The following GATA4 variants were observed in gnomAD, a reference collection of about 807,000 sequenced individuals.
GATA4 encodes transcription factor GATA-4.
In GATA4, 7 loss-of-function variants were observed where a neutral mutation model predicts 37.9. The observed-to-expected ratio is 0.18, with a 90% CI of 0.11 to 0.35. The LOEUF (loss-of-function observed/expected upper bound fraction) is 0.35, where lower values mean the gene tolerates loss of function less well. Among genes scored for constraint, GATA4 ranks in the 10% least tolerant of loss-of-function variants. The probability of loss-of-function intolerance (pLI) is 1.00; values close to 1 mark genes in which losing one functional copy is unlikely to be tolerated. For synonymous variants in GATA4, 372 were observed against 292.6 expected (o/e 1.27, Z -2.77); for missense variants, 647 against 653.0 (o/e 0.99, Z 0.10).
At chr8:11,756,593 C>G in intron 5 of GATA4, 1 of 389,904 alleles carries the variant, frequency 2.6e-6, no homozygotes, top group Non-Finnish European at 4.9e-6. Flanking sequence ...TATTGTATTT[C>G]ATTATAGAGT....
At chr8:11,711,041 G>A (rs1487864691) in intron 2 of GATA4, among the ~76,000 whole-genome samples, 1 of 152,070 alleles carries the variant, frequency 6.6e-6, no homozygotes, top group Non-Finnish European at 1.5e-5. Context: ...AACCCGGGAG[G>A]CGGAGGTTGA....
chr8:11,691,819 A>G (rs1563189334), upstream of GATA4, among the ~76,000 whole-genome samples: 1 of 152,122 alleles, frequency 6.6e-6, no homozygotes, highest in Non-Finnish European at 1.5e-5. Flanking sequence ...GGCGCCCCAA[A>G]CAAAAGACTA....
At chr8:11,722,277 C>A (rs1800712300) in intron 2 of GATA4, among the ~76,000 whole-genome samples, 1 of 152,224 alleles carries the variant, frequency 6.6e-6, no homozygotes, top group Non-Finnish European at 1.5e-5. Context: ...CTTTCCCCCA[C>A]ACAGTGTTAT....
At position 11,750,102 on chromosome 8, in the gene GATA4, G is replaced by C. The variant is rs1802226909; in HGVS notation, c.787-9G>C. ...CTTGGACATGAAGCATTTGTTTCCT[G>C]TCTTGCAGTCCGCCTCCCGCCGAGT... On this transcript the variant is annotated splice_polypyrimidine_tract_variant and intron_variant, in intron 3 of 6. Coordinates refer to ENST00000532059, the MANE Select transcript of GATA4 (RefSeq NM_001308093.3). 2 of 1,614,080 alleles carry C rather than the reference G, an allele frequency of 1.2e-6. No homozygotes were observed. Among genetic ancestry groups the C allele is most frequent in the East Asian group, 4.5e-5 (2 of 44,892 alleles).
chr8:11,705,977 C>A (rs1018515474), intron 1 of GATA4: 6 of 152,180 alleles, frequency 3.9e-5, no homozygotes, highest in Non-Finnish European at 8.8e-5. Context: ...CCAGAAAATG[C>A]AATGAAATAG....
chr8:11,730,519 G>T (rs555775901), intron 2 of GATA4, among the ~76,000 whole-genome samples: 1 of 152,360 alleles, frequency 6.6e-6, no homozygotes, highest in East Asian at 1.9e-4. Context: ...CTGGTCAGGA[G>T]CTGGGAGCTT....
At chr8:11,698,922 CCA>C (rs1182477585) in intron 1 of GATA4, among the ~76,000 whole-genome samples, 1 of 152,218 alleles carries the variant, frequency 6.6e-6, no homozygotes, top group Non-Finnish European at 1.5e-5. Context: ...GCCCCTCCCT[CCA>C]CTTCTGGCCA....
rs968091404 is a variant in GATA4 at position 11,683,642 on chromosome 8, A to G, written c.-274+6579A>G. ...ATGCCTTGTACTGACAGGTTAAATTATTTGCCCAAGATGAGGACTAAAGCC... is the reference window on the plus strand; with the variant it reads ...ATGCCTTGTACTGACAGGTTAAATTGTTTGCCCAAGATGAGGACTAAAGCC... On this transcript the variant is annotated intron_variant, in intron 1 of 6. Transcript: ENST00000528712. Among the ~76,000 whole-genome samples the G allele has an allele frequency of 2.0e-5, 3 of 152,170 alleles. No individual in the cohort carries two copies. In the East Asian group the frequency reaches 5.8e-4, roughly 29 times the overall value.
At chr8:11,681,287 G>T (rs1433892499) in intron 1 of GATA4, 1 of 985,312 alleles carries the variant, frequency 1.0e-6, no homozygotes, top group African/African-American at 1.7e-5. Context: ...CGCACGCTGA[G>T]GTTCCGGGGA....
At chr8:11,741,934 CGCTGGTG>C (rs1448713347) in intron 2 of GATA4, among the ~76,000 whole-genome samples, 2 of 152,198 alleles carry the variant, frequency 1.3e-5, no homozygotes, top group Admixed American at 1.3e-4. Flanking sequence ...CTGTGGGCAG[CGCTGGTG>C]GGACGCTGGC....
chr8:11,692,763 G>A, intron 1 of GATA4: 1 of 983,336 alleles, frequency 1.0e-6, no homozygotes. Flanking sequence ...GACGGACGGG[G>A]GGCGGGAAGC....
rs530224392 is a variant in GATA4 at position 11,708,130 on chromosome 8, C to T, written c.-183C>T. The T allele has an allele frequency of 8.1e-6, 6 of 742,300 alleles. No homozygotes were observed. The highest frequency in any genetic ancestry group is 1.4e-5 in the Non-Finnish European group (6 of 426,668). 46.0% of individuals were successfully genotyped at this position (742,300 alleles called of 1,614,324 possible). ...GTAAACAAGAGCCTAGAGCCCTTTG[C>T]TCAATGCTGGATTTAATACGTATAT... is the stretch of plus-strand genomic sequence containing the variant. On this transcript the variant is annotated 5_prime_UTR_variant, in exon 2 of 7. Coordinates refer to ENST00000532059, the MANE Select transcript of GATA4 (RefSeq NM_001308093.3). This position sits in a 1 kb window ranked among gnomAD's most constrained non-coding sequence, Gnocchi z 6.7.
In GATA4 at chr8:11,724,094, A is replaced by G. The variant is rs79596398; in HGVS notation, c.616+15166A>G. Among the ~76,000 whole-genome samples, 423 of 152,180 alleles carry G rather than the reference A, an allele frequency of 2.8e-3. 2 individuals are homozygous for G. The highest frequency in any genetic ancestry group is 9.7e-3 in the African/African-American group (404 of 41,512). On this transcript the variant is annotated intron_variant, in intron 2 of 6. Transcript: ENST00000532059. ...GTGACGGGCTCGTTTCCTTTGGCAT[A>G]GTGTCTTCAAGGTTTCTCCATTTTG...
chr8:11,708,152 A>G lies in GATA4; in HGVS notation c.-161A>G. ...TTGCTCAATGCTGGATTTAATACGTATATATTTTTAAGCGAGTTGGTTTTT... is the reference window on the plus strand; with the variant it reads ...TTGCTCAATGCTGGATTTAATACGTGTATATTTTTAAGCGAGTTGGTTTTT... On this transcript the variant is annotated 5_prime_UTR_variant, in exon 2 of 7. Transcript: ENST00000532059. This position sits in a 1 kb window ranked among gnomAD's most constrained non-coding sequence, Gnocchi z 6.7. 1 of 780,552 alleles carries G rather than the reference A, an allele frequency of 1.3e-6. No individual in the cohort carries two copies. Among genetic ancestry groups the G allele is most frequent in the Non-Finnish European group, 2.2e-6 (1 of 459,920 alleles). 48.4% of individuals were successfully genotyped at this position (780,552 alleles called of 1,614,324 possible). A position where few individuals can be genotyped will look rare whatever the true frequency, so the allele number is the denominator to read the frequency against.
At chr8:11,741,358 A>G (rs994468422) in intron 2 of GATA4, among the ~76,000 whole-genome samples, 4 of 152,108 alleles carry the variant, frequency 2.6e-5, no homozygotes, top group African/African-American at 9.7e-5. Flanking sequence ...GTGCAACTGT[A>G]GTCCCAGCTA....
At chr8:11,717,458 A>G (rs1179911625) in intron 2 of GATA4, among the ~76,000 whole-genome samples, 1 of 152,124 alleles carries the variant, frequency 6.6e-6, no homozygotes, top group African/African-American at 2.4e-5. Flanking sequence ...GTTTTGCTGG[A>G]AAGAAAGCTG....
At chr8:11,724,992 A>C (rs1321650493) in intron 2 of GATA4, among the ~76,000 whole-genome samples, 1 of 152,232 alleles carries the variant, frequency 6.6e-6, no homozygotes, top group Non-Finnish European at 1.5e-5. Context: ...CGCAGTGTAC[A>C]CGGGCTGGGG....
intron 1 of GATA4, among the ~76,000 whole-genome samples, chr8:11,696,860 T>C (rs1018762900): frequency 6.6e-6 from 1 of 152,238 alleles, no homozygotes. Flanking sequence ...TCATTTACTC[T>C]ACCTGTTCTG....
chr8:11,757,213 G>T, intron 6 of GATA4, 130 bp downstream of exon 6: 5 of 1,365,604 alleles, frequency 3.7e-6, no homozygotes, highest in Non-Finnish European at 5.0e-6. Flanking sequence ...TACCCTCTGC[G>T]CTAGGAAGAC....
Sources: allele counts gnomAD v4.1 joint callset (sites outside exome capture counted in the v4.1 genomes callset), GRCh38; gene constraint gnomAD v4.1.1; non-coding constraint Gnocchi (gnomAD v3.1); transcripts MANE v1.5; gene names NCBI Gene and HGNC (gene_info 2026-07-23, HGNC 2026-07-21).